The following CSMD1 variants were observed in gnomAD, a reference collection of about 807,000 sequenced individuals.
The protein encoded by CSMD1 is CUB and sushi domain-containing protein 1.
In CSMD1, 213 loss-of-function variants were observed where a neutral mutation model predicts 417.5. The ratio of observed to expected loss-of-function variants is 0.51; its 90% CI spans 0.46 to 0.57. CSMD1 has a LOEUF of 0.57. Ranked by LOEUF, CSMD1 falls within the 20% of genes least tolerant of loss-of-function variation. The pLI, the probability that CSMD1 is intolerant of heterozygous loss-of-function variation, is 0.00. For missense variants in CSMD1, 6,923 were observed against 4,529.7 expected, an observed-to-expected ratio of 1.53 and a Z score of -15.17; for synonymous variants, 2,862 against 1,736.8, an observed-to-expected ratio of 1.65 and a Z score of -16.11.
At chr8:3,683,975 A>T (rs936781272) in intron 7 of CSMD1, among the ~76,000 whole-genome samples, 6 of 151,774 alleles carry the variant, frequency 4.0e-5, no homozygotes, top group Non-Finnish European at 8.8e-5. Flanking sequence ...CATGTGATTG[A>T]GAAGTATGAA....
At chr8:3,308,732 G>GTGTTT (rs1805090018) in intron 23 of CSMD1, among the ~76,000 whole-genome samples, 1 of 108,954 alleles carries the variant, frequency 9.2e-6, no homozygotes, top group African/African-American at 3.6e-5. Flanking sequence ...CTACTTACAA[G>GTGTTT]TTTTTTTTTT....
At position 4,938,968 on chromosome 8, in the gene CSMD1, T is replaced by C. The variant is rs530602220; in HGVS notation, c.85+55364A>G. 3.3e-5 allele frequency among the ~76,000 whole-genome samples: 5 copies of C among 152,314 alleles called. No homozygotes were observed. In the East Asian group the frequency reaches 9.7e-4, roughly 29 times the overall value. ...TTGGAGAAATGTTATTCTAGTCCTT[T>C]GTCCATGTTTAAATCAGGTTATTTG... is the stretch of plus-strand genomic sequence containing the variant. On this transcript the variant is annotated intron_variant, in intron 1 of 69. Coordinates refer to ENST00000635120, the MANE Select transcript of CSMD1 (RefSeq NM_033225.6).
intron 12 of CSMD1, among the ~76,000 whole-genome samples, chr8:3,443,543 A>C (rs1380407150): frequency 6.6e-6 from 1 of 152,222 alleles, no homozygotes; most frequent in Non-Finnish European, 1.5e-5. Context: ...AATTCTACAA[A>C]TTAGTATTTA....
At position 3,125,941 on chromosome 8, in the gene CSMD1, C is replaced by T. The variant is rs11986620; in HGVS notation, c.6242-7354G>A. On this transcript the variant is annotated intron_variant, in intron 41 of 69. Transcript: ENST00000635120. ...GCAGTGAGCTGAGATCGTGCCACTGCACTCCAGCATGGGTGACAGAGTTAG... is the reference window on the plus strand; with the variant it reads ...GCAGTGAGCTGAGATCGTGCCACTGTACTCCAGCATGGGTGACAGAGTTAG... 8.6e-3 allele frequency among the ~76,000 whole-genome samples: 1,305 copies of T among 152,274 alleles called. 26 individuals are homozygous for T. The highest frequency in any genetic ancestry group is 0.03 in the African/African-American group (1,259 of 41,548).
intron 42 of CSMD1, among the ~76,000 whole-genome samples, chr8:3,112,018 C>CT (rs1816550756): frequency 6.6e-6 from 1 of 151,938 alleles, no homozygotes; most frequent in Non-Finnish European, 1.5e-5. Context: ...TCACCGCTTC[C>CT]TTAAGGTCTT....
intron 5 of CSMD1, among the ~76,000 whole-genome samples, chr8:3,936,596 G>A (rs1810516502): frequency 6.6e-6 from 1 of 152,146 alleles, no homozygotes; most frequent in Non-Finnish European, 1.5e-5. Flanking sequence ...ATGGTTTACT[G>A]AATATTTTAA....
chr8:3,678,585 A>G (rs1799498684), intron 7 of CSMD1, among the ~76,000 whole-genome samples: 1 of 152,186 alleles, frequency 6.6e-6, no homozygotes, highest in Admixed American at 6.5e-5. Flanking sequence ...AGTGACGGGG[A>G]GAATGGAAAC....
intron 10 of CSMD1, among the ~76,000 whole-genome samples, chr8:3,521,091 C>T (rs978922676): frequency 6.6e-6 from 1 of 152,202 alleles, no homozygotes; most frequent in African/African-American, 2.4e-5. Flanking sequence ...CTGTCATTAT[C>T]TCCTAAAAGT....
chr8:4,799,572 C>CTG (rs1798165859), intron 1 of CSMD1, among the ~76,000 whole-genome samples: 2 of 115,224 alleles, frequency 1.7e-5, no homozygotes, highest in Admixed American at 2.4e-4. Flanking sequence ...GCACTGCAGC[C>CTG]TGTGTGAGAG....
At chr8:4,367,497 C>T (rs1189066267) in intron 3 of CSMD1, among the ~76,000 whole-genome samples, 1 of 152,118 alleles carries the variant, frequency 6.6e-6, no homozygotes, top group South Asian at 2.1e-4. Flanking sequence ...TAGTGTGATA[C>T]CTCCAGCTTT....
chr8:4,644,987 T>C (rs2130878072), intron 1 of CSMD1, among the ~76,000 whole-genome samples: 1 of 152,326 alleles, frequency 6.6e-6, no homozygotes, highest in South Asian at 2.1e-4. Context: ...AAAGCAGTGG[T>C]ACTTGAAAGA....
intron 3 of CSMD1, among the ~76,000 whole-genome samples, chr8:4,203,079 G>C (rs1036709784): frequency 2.0e-5 from 3 of 152,218 alleles, no homozygotes; most frequent in African/African-American, 7.2e-5. Flanking sequence ...GAGCAAGTGA[G>C]ATGACTTGCA....
intron 1 of CSMD1, among the ~76,000 whole-genome samples, chr8:4,976,292 G>A (rs892680361): frequency 6.6e-6 from 1 of 152,166 alleles, no homozygotes; most frequent in Non-Finnish European, 1.5e-5. Flanking sequence ...ATTTACAAAT[G>A]TATGGAGTAG....
intron 4 of CSMD1, among the ~76,000 whole-genome samples, chr8:4,010,507 C>T (rs1450556563): frequency 6.6e-6 from 1 of 152,162 alleles, no homozygotes; most frequent in Non-Finnish European, 1.5e-5. Context: ...AACTCTACCT[C>T]AGCCATGCCA....
chr8:4,750,994 G>T (rs554886308), intron 1 of CSMD1, among the ~76,000 whole-genome samples: 13 of 152,312 alleles, frequency 8.5e-5, no homozygotes, highest in Admixed American at 7.2e-4. Context: ...AACCTGGATT[G>T]TCAGACCCTT....
At chr8:3,383,983 C>T (rs1171120372) in intron 18 of CSMD1, among the ~76,000 whole-genome samples, 9 of 152,230 alleles carry the variant, frequency 5.9e-5, no homozygotes, top group Non-Finnish European at 1.2e-4. Context: ...AGGACCTTCC[C>T]TGGATAATTT....
chr8:3,971,302 CT>C (rs1813071875), intron 5 of CSMD1, among the ~76,000 whole-genome samples: 1 of 151,970 alleles, frequency 6.6e-6, no homozygotes, highest in Admixed American at 6.6e-5. Flanking sequence ...CTCATGGGTT[CT>C]CCTGAGTTTC....
At chr8:3,648,704 G>T (rs560978477) in intron 7 of CSMD1, among the ~76,000 whole-genome samples, 2 of 152,166 alleles carry the variant, frequency 1.3e-5, no homozygotes, top group African/African-American at 2.4e-5. Context: ...GGTCTAAAAA[G>T]TGCCTGATCA....
In CSMD1 at chr8:3,997,965, G is replaced by T. The variant is rs746459612; in HGVS notation, c.756C>A (p.Asp252Glu). 2 of 1,611,878 alleles carry T rather than the reference G, an allele frequency of 1.2e-6. No individual in the cohort carries two copies. The highest frequency in any genetic ancestry group is 1.7e-6 in the Non-Finnish European group (2 of 1,178,950). Residue 252 changes from aspartate to glutamate, a missense_variant, in exon 5 of 70, where the codon GAC becomes GAA. Coordinates refer to ENST00000635120, the MANE Select transcript of CSMD1 (RefSeq NM_033225.6). ...PGDTIALVFT[D>E]FQLEEGYDFL... ...AATCATATCCTTCTTCTAGCTGAAA[G>T]TCAGTGAAGACCAGCGCAATGGTGT... is the stretch of plus-strand genomic sequence containing the variant.
Sources: allele counts gnomAD v4.1 joint callset (sites outside exome capture counted in the v4.1 genomes callset), GRCh38; gene constraint gnomAD v4.1.1; transcripts MANE v1.5; gene names NCBI Gene and HGNC (gene_info 2026-07-23, HGNC 2026-07-21).